TMEM132D: variants seen among roughly 807,000 people sequenced by gnomAD.
TMEM132D encodes the protein mature OL transmembrane protein.
A neutral mutation model predicts 62.3 loss-of-function variants in TMEM132D; 21 were observed. The observed-to-expected ratio is 0.34, with a 90% confidence interval of 0.24 to 0.49. TMEM132D has a LOEUF of 0.49. TMEM132D is among the 20% of genes least tolerant of loss of function. TMEM132D has a pLI of 0.99. For missense variants in TMEM132D, 1,346 were observed against 1,402.8 expected (o/e 0.96, Z 0.65); for synonymous variants, 621 against 575.6 (o/e 1.08, Z -1.13).
At chr12:129,902,378 G>C (rs923222869) in intron 1 of TMEM132D, among the ~76,000 whole-genome samples, 4 of 152,294 alleles carry the variant, frequency 2.6e-5, no homozygotes, top group African/African-American at 9.6e-5. Context: ...TGCAGGAAAG[G>C]GGCACGGGTG....
chr12:129,655,147 C>G (rs1880039846), intron 2 of TMEM132D, among the ~76,000 whole-genome samples: 1 of 151,810 alleles, frequency 6.6e-6, no homozygotes, highest in African/African-American at 2.4e-5. Context: ...TGGGGTTTCA[C>G]CATGTTGGCC....
At chr12:129,621,864 C>T (rs181590335) in intron 2 of TMEM132D, among the ~76,000 whole-genome samples, 2 of 152,276 alleles carry the variant, frequency 1.3e-5, no homozygotes, top group East Asian at 1.9e-4. Flanking sequence ...GCGGGTGAAA[C>T]CACCTCCCTT....
chr12:129,606,509 C>A (rs1046967531), intron 2 of TMEM132D, among the ~76,000 whole-genome samples: 1 of 152,088 alleles, frequency 6.6e-6, no homozygotes, highest in African/African-American at 2.4e-5. Flanking sequence ...AGTAACGTAG[C>A]AACGATAAGG....
At chr12:129,206,523 C>T (rs918345483) in intron 5 of TMEM132D, among the ~76,000 whole-genome samples, 1 of 152,136 alleles carries the variant, frequency 6.6e-6, no homozygotes, top group African/African-American at 2.4e-5. Context: ...ATTAGTTCAG[C>T]CACTATGGAA....
chr12:129,754,421 A>T (rs1449016646), intron 1 of TMEM132D, among the ~76,000 whole-genome samples: 1 of 152,134 alleles, frequency 6.6e-6, no homozygotes, highest in African/African-American at 2.4e-5. Flanking sequence ...GAATCTCATG[A>T]CCCCAAGGAA....
chr12:129,212,020 A>C (rs1045570968), intron 4 of TMEM132D: 1 of 152,248 alleles, frequency 6.6e-6, no homozygotes, highest in Non-Finnish European at 1.5e-5. Context: ...ATGCTGTTTA[A>C]CTTGCTGGCC....
At chr12:129,253,855 G>A (rs1199565924) in intron 4 of TMEM132D, among the ~76,000 whole-genome samples, 1 of 152,148 alleles carries the variant, frequency 6.6e-6, no homozygotes, top group Non-Finnish European at 1.5e-5. Context: ...AACATGGGGA[G>A]AAATACAGGC....
chr12:129,079,656 C>A (rs1161517021), intron 7 of TMEM132D, among the ~76,000 whole-genome samples: 1 of 152,174 alleles, frequency 6.6e-6, no homozygotes, highest in East Asian at 1.9e-4. Flanking sequence ...TGATGTAGGT[C>A]AAGACAGCAG....
At chr12:129,892,990 C>A (rs1358266360) in intron 1 of TMEM132D, among the ~76,000 whole-genome samples, 2 of 152,142 alleles carry the variant, frequency 1.3e-5, no homozygotes, top group African/African-American at 4.8e-5. Context: ...GATTCTCCTG[C>A]CTCAGCCTTC....
Position 129,549,755 on chromosome 12 carries a change from C to T in TMEM132D, c.969-18550G>A, listed in dbSNP as rs376222435. 4.2e-4 allele frequency among the ~76,000 whole-genome samples: 64 copies of T among 152,330 alleles called. 2 individuals are homozygous for T. In the South Asian group the frequency reaches 0.013, roughly 30 times the overall value. On this transcript the variant is annotated intron_variant, in intron 2 of 8. Transcript: ENST00000422113. Reference sequence around the variant, plus strand: ...CTGTGAGCTGAAGGCCTGTTTGTCACCTTTGGTGGAAGCTAGAAGGAATAA... The same window carrying T: ...CTGTGAGCTGAAGGCCTGTTTGTCATCTTTGGTGGAAGCTAGAAGGAATAA...
chr12:129,467,995 T>C (rs183798385), intron 3 of TMEM132D, among the ~76,000 whole-genome samples: 23 of 152,258 alleles, frequency 1.5e-4, no homozygotes, highest in African/African-American at 5.3e-4. Context: ...AAGCTCTCAA[T>C]GTGCTGAGAA....
At chr12:129,653,610 T>C (rs1029987285) in intron 2 of TMEM132D, among the ~76,000 whole-genome samples, 3 of 152,220 alleles carry the variant, frequency 2.0e-5, no homozygotes, top group Admixed American at 6.5e-5. Context: ...ACGCCACCAA[T>C]GGCAACTGGC....
chr12:129,610,291 AAAAG>A (rs1245929254), intron 2 of TMEM132D, among the ~76,000 whole-genome samples: 9 of 152,052 alleles, frequency 5.9e-5, no homozygotes, highest in Admixed American at 2.6e-4. Context: ...AAAAAAAAAA[AAAAG>A]AGAGACAGAG....
chr12:129,337,428 T>C (rs1368381575), intron 4 of TMEM132D, among the ~76,000 whole-genome samples: 3 of 126,914 alleles, frequency 2.4e-5, no homozygotes, highest in Non-Finnish European at 3.2e-5. Flanking sequence ...GATATAGATA[T>C]AGATACACAC....
At chr12:129,227,307 A>ATATATATG (rs1395150564) in intron 4 of TMEM132D, among the ~76,000 whole-genome samples, 1 of 127,640 alleles carries the variant, frequency 7.8e-6, no homozygotes, top group Non-Finnish European at 1.6e-5. Context: ...GGAAATATAT[A>ATATATATG]TATATATATA....
At chr12:129,103,997 C>T (rs917260123) in intron 5 of TMEM132D, among the ~76,000 whole-genome samples, 5 of 152,070 alleles carry the variant, frequency 3.3e-5, no homozygotes, top group African/African-American at 1.2e-4. Context: ...ATGCCATCCC[C>T]ATCAAGCTAC....
chr12:129,828,705 GAGAAGGAAGGGAGGA>G (rs1872730846), intron 1 of TMEM132D, among the ~76,000 whole-genome samples: 1 of 17,188 alleles, frequency 5.8e-5, no homozygotes, highest in Non-Finnish European at 1.1e-4. Context: ...GGGAGGGAGG[GAGAAGGAAGGGAGGA>G]AAGGAGGGAG....
At position 129,896,842 on chromosome 12, in the gene TMEM132D, G is replaced by T. The variant is rs893937488; in HGVS notation, c.79+6419C>A. ...TTACTTACTTCTTAAGGGAGGAGAA[G>T]TGGCTATTTGAATTCTCTTTCAAAG... On this transcript the variant is annotated intron_variant, in intron 1 of 8. Transcript: ENST00000422113. Among the ~76,000 whole-genome samples the T allele has an allele frequency of 1.4e-4, 21 of 152,230 alleles. No individual in the cohort carries two copies. The East Asian group carries it at 3.9e-3, about 28-fold the overall frequency.
At chr12:129,285,556 G>T (rs909507130) in intron 4 of TMEM132D, among the ~76,000 whole-genome samples, 10 of 118,934 alleles carry the variant, frequency 8.4e-5, no homozygotes, top group Non-Finnish European at 1.6e-4. Flanking sequence ...AGAGAGAGAG[G>T]CTCCCATTAT....
Sources: allele counts gnomAD v4.1 joint callset (sites outside exome capture counted in the v4.1 genomes callset), GRCh38; gene constraint gnomAD v4.1.1; transcripts MANE v1.5; gene names NCBI Gene and HGNC (gene_info 2026-07-23, HGNC 2026-07-21).